HCN3: variants seen among roughly 807,000 people sequenced by gnomAD.
HCN3 encodes the protein hyperpolarization activated cyclic nucleotide gated potassium channel 3, also known as potassium/sodium hyperpolarization-activated cyclic nucleotide-gated channel 3.
HCN3 carries 36 observed loss-of-function variants against 56.8 expected under a neutral mutation model. The observed-to-expected ratio is 0.63, with a 90% CI of 0.49 to 0.84. The LOEUF is 0.84. Among genes scored for constraint, HCN3 ranks in the 40% least tolerant of loss-of-function variants. HCN3 has a pLI of 0.00. For synonymous variants in HCN3, 425 were observed against 439.7 expected, an observed-to-expected ratio of 0.97 and a Z score of 0.42; for missense variants, 930 against 1,079.3, an observed-to-expected ratio of 0.86 and a Z score of 1.94.
chr1:155,285,840 G>A lies in HCN3; in HGVS notation c.1353G>A (p.Pro451=), dbSNP rs568171927. The stretch of plus-strand genomic sequence containing the variant: ...AGCTGCGCTTTGAGGTCTTCCAGCC[G>A]GGGGATCTCGTGGTGCGTGAGGGCT... ...LTKLRFEVFQ[P]GDLVVREGSV... Residue 451 remains proline, a synonymous_variant, in exon 6 of 8, where the codon CCG becomes CCA. Transcript: ENST00000368358. This position sits in a 1 kb window ranked among gnomAD's most constrained non-coding sequence, Gnocchi z 4.5. The A allele has an allele frequency of 3.1e-6, 5 of 1,614,196 alleles. No homozygotes were observed. The highest frequency in any genetic ancestry group is 1.6e-4 in the Middle Eastern group (1 of 6,062).
chr1:155,283,861 C>T, intron 2 of HCN3, 113 bp from the exon 3 acceptor site: 2 of 1,086,156 alleles, frequency 1.8e-6, no homozygotes, highest in Non-Finnish European at 2.6e-6. Flanking sequence ...TTTTTTAATT[C>T]ATGGGGGCTG....
chr1:155,282,857 G>A lies in HCN3; in HGVS notation c.708+17G>A, dbSNP rs781158679. On this transcript the variant is annotated intron_variant, in intron 2 of 7. Transcript: ENST00000368358. The surrounding 1 kb of genome is among the most constrained non-coding windows in gnomAD (Gnocchi z 4.7). ...TGGGAGGAGGTGGGGTGGGGAGATGGCGGGCGGGGCAGTGGGTGGGGGATG... is the reference window on the plus strand; with the variant it reads ...TGGGAGGAGGTGGGGTGGGGAGATGACGGGCGGGGCAGTGGGTGGGGGATG... The A allele has an allele frequency of 1.9e-6, 3 of 1,573,352 alleles. No homozygotes were observed. In the Admixed American group the frequency reaches 5.3e-5, roughly 28 times the overall value.
intron 1 of HCN3, among the ~76,000 whole-genome samples, chr1:155,280,619 T>C (rs940059679): frequency 3.3e-5 from 5 of 150,734 alleles, no homozygotes; most frequent in Non-Finnish European, 7.4e-5. Context: ...TGTATTTTTT[T>C]AGTAGAGATG....
rs1213653439 is a variant in HCN3 at position 155,277,737 on chromosome 1, T to C, written c.147T>C (p.Leu49=). 6.3e-7 allele frequency: 1 copy of C among 1,599,130 alleles called. No homozygotes were observed. Among genetic ancestry groups the C allele is most frequent in the East Asian group, 2.3e-5 (1 of 44,216 alleles). The part of the protein sequence containing the change: ...KSGPEPKRRH[L]GTLLQPTVNK... ...GGCCTGAGCCTAAGAGGAGGCACCT[T>C]GGGACGCTGCTCCAGCCTACGGTCA... The change falls in exon 1 of 8, where the codon CTT becomes CTC. Residue 49 remains leucine, a synonymous_variant. Coordinates refer to ENST00000368358, the MANE Select transcript of HCN3 (RefSeq NM_020897.3).
rs752117363 is a variant in HCN3 at position 155,287,804 on chromosome 1, C to T, written c.1666C>T (p.Arg556Trp). Reference protein sequence around the residue: ...RIGKKNSILQRKRSEPSPGSS... With the variant: ...RIGKKNSILQWKRSEPSPGSS... ...AGGCAAGAAGAATTCCATACTGCAG[C>T]GGAAGCGCTCCGAGCCAAGTCCAGG... Residue 556 changes from arginine (R) to tryptophan (W), a missense_variant, in exon 8 of 8, where the codon CGG becomes TGG. Transcript: ENST00000368358. 30 of 1,596,036 alleles carry T rather than the reference C, an allele frequency of 1.9e-5. No homozygotes were observed. The highest frequency in any genetic ancestry group is 4.5e-5 in the South Asian group (4 of 88,904).
At position 155,287,249 on chromosome 1, in the gene HCN3, C is replaced by T. The variant is rs762732730; in HGVS notation, c.1554C>T (p.Ser518=). Residue 518 remains serine (S), a synonymous_variant, in exon 7 of 8, where the codon AGC becomes AGT. Coordinates refer to ENST00000368358, the MANE Select transcript of HCN3 (RefSeq NM_020897.3). Reference sequence around the variant, plus strand: ...CCTACTGCCGCCTTTACTCACTCAGCGTGGACCATTTCAATGCTGTGCTTG... The same window carrying T: ...CCTACTGCCGCCTTTACTCACTCAGTGTGGACCATTTCAATGCTGTGCTTG... ...ADTYCRLYSL[S]VDHFNAVLEE... is the part of the protein sequence containing the mutation. 8 of 1,614,034 alleles carry T rather than the reference C, an allele frequency of 5.0e-6. No homozygotes were observed. The highest frequency in any genetic ancestry group is 1.6e-4 in the Middle Eastern group (1 of 6,062).
chr1:155,280,738 A>ATTTTTTTTTT (rs34480594), intron 1 of HCN3, among the ~76,000 whole-genome samples: 2 of 34,564 alleles, frequency 5.8e-5, no homozygotes, highest in South Asian at 1.2e-3. Context: ...ACGCCCAGCT[A>ATTTTTTTTTT]TTTTTTTTTT....
In HCN3 at chr1:155,288,462, A is replaced by G; in HGVS notation, c.2324A>G (p.Ter775=). ...GGTCTCCAGCTTTCTGCCAACATGT[A>G]AAACCTTTGAGTACATCCAGCCTTA... The part of the protein sequence containing the change: ...PRGLQLSANM[*] The change falls in exon 8 of 8, where the codon TAA becomes TGA. Residue 775 remains the stop codon, a stop_retained_variant. Coordinates refer to ENST00000368358, the MANE Select transcript of HCN3 (RefSeq NM_020897.3). The surrounding 1 kb of genome is among the most constrained non-coding windows in gnomAD (Gnocchi z 6.5). The G allele has an allele frequency of 6.3e-7, 1 of 1,590,438 alleles. No individual in the cohort carries two copies. Among genetic ancestry groups the G allele is most frequent in the Middle Eastern group, 1.7e-4 (1 of 5,932 alleles).
Position 155,284,476 on chromosome 1 carries a change from G to T in HCN3, c.871-63G>T. The T allele has an allele frequency of 1.3e-6, 2 of 1,487,970 alleles. No individual in the cohort carries two copies. Among genetic ancestry groups the T allele is most frequent in the Non-Finnish European group, 1.8e-6 (2 of 1,091,010 alleles). The allele number at this position is 1,487,970 out of a possible 1,614,324, so 92.2% of individuals were successfully genotyped here. A position where few individuals can be genotyped will look rare whatever the true frequency, so the allele number is the denominator to read the frequency against. ...CAGAAAGACCAAAGAAGGAAAAGGG[G>T]CAGGCAGAGAATGAGGCTCCGAGGG... On this transcript the variant is annotated intron_variant, in intron 3 of 7. Coordinates refer to ENST00000368358, the MANE Select transcript of HCN3 (RefSeq NM_020897.3). This position sits in a 1 kb window ranked among gnomAD's most constrained non-coding sequence, Gnocchi z 4.3.
chr1:155,284,521 A>G lies in HCN3; in HGVS notation c.871-18A>G, dbSNP rs757578725. On this transcript the variant is annotated intron_variant, in intron 3 of 7. Coordinates refer to ENST00000368358, the MANE Select transcript of HCN3 (RefSeq NM_020897.3). This position sits in a 1 kb window ranked among gnomAD's most constrained non-coding sequence, Gnocchi z 4.3. ...CGAGGGGCCCATGCCCAGCTCTGCA[A>G]TATACTCTGCCCCTCAGAACCACTC... The G allele has an allele frequency of 1.2e-6, 2 of 1,606,742 alleles. No homozygotes were observed. The highest frequency in any genetic ancestry group is 1.7e-6 in the Non-Finnish European group (2 of 1,175,962).
chr1:155,285,616 T>C lies in HCN3; in HGVS notation c.1237-108T>C, dbSNP rs1249120656. ...CAGGCCCACTGATGCCTCCCCATCC[T>C]TTGGCAGAACATGACCCCAGGGGTG... is the stretch of plus-strand genomic sequence containing the variant. On this transcript the variant is annotated intron_variant, in intron 5 of 7. Transcript: ENST00000368358. This position sits in a 1 kb window ranked among gnomAD's most constrained non-coding sequence, Gnocchi z 4.5. 1.4e-6 allele frequency: 2 copies of C among 1,464,146 alleles called. No individual in the cohort carries two copies. Among genetic ancestry groups the C allele is most frequent in the African/African-American group, 2.8e-5 (2 of 71,634 alleles). The allele number at this position is 1,464,146 out of a possible 1,614,324, so 90.7% of individuals were successfully genotyped here.
intron 1 of HCN3, among the ~76,000 whole-genome samples, chr1:155,280,762 T>C (rs1426004238): frequency 8.0e-6 from 1 of 125,774 alleles, no homozygotes; most frequent in African/African-American, 3.1e-5. Flanking sequence ...TTTTTTTTTT[T>C]TTTTTTTTTG....
rs750043773 is a variant in HCN3, at chr1:155,285,287, C to T, written c.1212C>T (p.Gly404=). 31 of 1,590,746 alleles carry T rather than the reference C, an allele frequency of 1.9e-5. No individual in the cohort carries two copies. Among genetic ancestry groups the T allele is most frequent in the South Asian group, 3.5e-5 (3 of 84,962 alleles). The change falls in exon 5 of 8, where the codon GGC becomes GGT. Residue 404 remains glycine, a synonymous_variant. Transcript: ENST00000368358. The surrounding 1 kb of genome is among the most constrained non-coding windows in gnomAD (Gnocchi z 4.5). ...GKMFDEESIL[G]ELSEPLREEI... is the part of the protein sequence containing the mutation. ...TGTTCGATGAGGAAAGCATCCTGGG[C>T]GAGCTGAGCGAGCCGCTTCGCGAGG...
At chr1:155,281,990 G>A (rs1304258299) in intron 1 of HCN3, among the ~76,000 whole-genome samples, 1 of 152,122 alleles carries the variant, frequency 6.6e-6, no homozygotes, top group African/African-American at 2.4e-5. Flanking sequence ...TCATCCATAG[G>A]GCTGAATGTA....
At chr1:155,280,578 G>A (rs1289112268) in intron 1 of HCN3, among the ~76,000 whole-genome samples, 8 of 137,098 alleles carry the variant, frequency 5.8e-5, no homozygotes, top group South Asian at 2.3e-4. Context: ...CTGGGACTAC[G>A]GGCGCCCGCC....
rs1310129072 is a variant in HCN3, at chr1:155,285,352, C to T, written c.1236+41C>T. 3.1e-6 allele frequency: 5 copies of T among 1,607,040 alleles called. No individual in the cohort carries two copies. Among genetic ancestry groups the T allele is most frequent in the Non-Finnish European group, 4.3e-6 (5 of 1,175,960 alleles). ...GCCTGGAAGGGGGGCTCTTCAGGGACCTGGAGTGCTGTCTGGTGGTAGGGG... is the reference window on the plus strand; with the variant it reads ...GCCTGGAAGGGGGGCTCTTCAGGGATCTGGAGTGCTGTCTGGTGGTAGGGG... On this transcript the variant is annotated intron_variant, in intron 5 of 7. Coordinates refer to ENST00000368358, the MANE Select transcript of HCN3 (RefSeq NM_020897.3). The surrounding 1 kb of genome is among the most constrained non-coding windows in gnomAD (Gnocchi z 4.5).
intron 6 of HCN3, 50 bp from the exon 7 acceptor site, chr1:155,287,123 A>G (rs1572043697): frequency 6.3e-7 from 1 of 1,597,588 alleles, no homozygotes; most frequent in South Asian, 1.1e-5. Flanking sequence ...CAGCAAGAGG[A>G]GTTCTGGGGA....
Position 155,288,383 on chromosome 1 carries a change from C to G in HCN3, c.2245C>G (p.Pro749Ala). 6.2e-7 allele frequency: 1 copy of G among 1,613,816 alleles called. No individual in the cohort carries two copies. Among genetic ancestry groups the G allele is most frequent in the Non-Finnish European group, 8.5e-7 (1 of 1,179,984 alleles). Residue 749 changes from proline to alanine, a missense_variant, in exon 8 of 8, where the codon CCA (proline) becomes GCA (alanine). Pro to Ala is a conservative substitution (Grantham distance 27, BLOSUM62 -1). Transcript: ENST00000368358. The surrounding 1 kb of genome is among the most constrained non-coding windows in gnomAD (Gnocchi z 6.5). ...TCCCTCAGGGCTCCTGGCCAAACCT[C>G]CAAGGACAGCCCAGCCCCCCAGGCC... Reference protein sequence around the residue: ...LPPSGLLAKPPRTAQPPRPPV... With the variant: ...LPPSGLLAKPARTAQPPRPPV...
intron 1 of HCN3, 116 bp downstream of exon 1, chr1:155,277,984 C>A (rs1673878743): frequency 7.8e-7 from 1 of 1,289,958 alleles, no homozygotes; most frequent in Admixed American, 2.3e-5. Context: ...CCCGGGGTCC[C>A]TTGGTGGGGC....
Sources: gnomAD v4.1 joint callset for allele counts (sites outside exome capture counted in the v4.1 genomes callset) on GRCh38, gnomAD v4.1.1 for gene constraint, Gnocchi (gnomAD v3.1) non-coding constraint, MANE v1.5 for transcripts, NCBI Gene and HGNC (gene_info 2026-07-23, HGNC 2026-07-21) for gene names.